Variants in MGMT observed in about 807,000 individuals in gnomAD.
MGMT encodes O-6-methylguanine-DNA methyltransferase.
MGMT carries 14 observed loss-of-function variants against 15.9 expected under a neutral mutation model. That is an observed-to-expected ratio of 0.88 (90% CI 0.58 to 1.37). The LOEUF (loss-of-function observed/expected upper bound fraction) is 1.37. Ranked by LOEUF, MGMT falls within the 40% of genes most tolerant of loss-of-function variation. MGMT has a pLI of 0.00. For synonymous variants in MGMT, 130 were observed against 118.2 expected, an observed-to-expected ratio of 1.10 and a Z score of -0.65; for missense variants, 282 against 268.1, an observed-to-expected ratio of 1.05 and a Z score of -0.36.
chr10:129,552,645 G>A (rs1283889230), intron 2 of MGMT, among the ~76,000 whole-genome samples: 1 of 152,236 alleles, frequency 6.6e-6, no homozygotes, highest in Non-Finnish European at 1.5e-5. Context: ...CGGGAGACAT[G>A]TTTGGCCAGC....
intron 1 of MGMT, among the ~76,000 whole-genome samples, chr10:129,528,315 T>G (rs1354585252): frequency 6.6e-6 from 1 of 151,290 alleles, no homozygotes; most frequent in African/African-American, 2.4e-5. Flanking sequence ...CATGGAGAGC[T>G]GCAGTGGTAT....
At chr10:129,629,430 A>G (rs1847186690) in intron 2 of MGMT, among the ~76,000 whole-genome samples, 1 of 152,150 alleles carries the variant, frequency 6.6e-6, no homozygotes, top group Non-Finnish European at 1.5e-5. Flanking sequence ...TACATTTCAC[A>G]TCATAGGCTG....
intron 3 of MGMT, among the ~76,000 whole-genome samples, chr10:129,733,881 G>A (rs549781203): frequency 0.07 from 10,604 of 151,812 alleles, 490 homozygotes; most frequent in South Asian, 0.16. Context: ...GATATGCGGC[G>A]TTATTTCTGA....
At chr10:129,741,924 G>A (rs533694514) in intron 3 of MGMT, among the ~76,000 whole-genome samples, 11 of 152,342 alleles carry the variant, frequency 7.2e-5, no homozygotes, top group East Asian at 3.9e-4. Flanking sequence ...AGGTCAGGCC[G>A]TGGCTCTGAG....
intron 2 of MGMT, among the ~76,000 whole-genome samples, chr10:129,565,895 T>A (rs977922601): frequency 5.3e-5 from 8 of 152,072 alleles, no homozygotes; most frequent in Non-Finnish European, 1.0e-4. Flanking sequence ...GTGCTTTTTT[T>A]GCTGGGGCTT....
intron 2 of MGMT, among the ~76,000 whole-genome samples, chr10:129,630,024 A>G (rs571674068): frequency 7.5e-4 from 114 of 152,374 alleles, no homozygotes; most frequent in Non-Finnish European, 1.1e-3. Flanking sequence ...AACTTGTAAA[A>G]GAACGTCAGG....
intron 2 of MGMT, among the ~76,000 whole-genome samples, chr10:129,658,493 C>A (rs1018091389): frequency 6.6e-6 from 1 of 152,140 alleles, no homozygotes; most frequent in Non-Finnish European, 1.5e-5. Flanking sequence ...GATTTTTAAC[C>A]CCAACATTTT....
intron 3 of MGMT, among the ~76,000 whole-genome samples, chr10:129,720,394 C>A (rs1156579833): frequency 3.3e-5 from 5 of 152,192 alleles, no homozygotes; most frequent in Non-Finnish European, 7.3e-5. Context: ...CCCCTCCTGG[C>A]TCAGCACAGC....
At chr10:129,490,019 T>C (rs1422065210) in intron 1 of MGMT, among the ~76,000 whole-genome samples, 1 of 152,180 alleles carries the variant, frequency 6.6e-6, no homozygotes, top group African/African-American at 2.4e-5. Context: ...AACTGCTAAC[T>C]CTTCATTAAC....
intron 3 of MGMT, among the ~76,000 whole-genome samples, chr10:129,741,498 A>G (rs2133171991): frequency 6.6e-6 from 1 of 152,310 alleles, no homozygotes. Flanking sequence ...TGGCCCTCGC[A>G]CCAAGAACCT....
At chr10:129,635,519 TTTCTTTTTGG>T (rs2133085771) in intron 2 of MGMT, among the ~76,000 whole-genome samples, 1 of 152,368 alleles carries the variant, frequency 6.6e-6, no homozygotes, top group East Asian at 1.9e-4. Flanking sequence ...TAATTTATTT[TTTCTTTTTGG>T]TTCTTTTTGG....
intron 2 of MGMT, among the ~76,000 whole-genome samples, chr10:129,607,072 C>T (rs551206196): frequency 6.6e-6 from 1 of 152,228 alleles, no homozygotes; most frequent in Admixed American, 6.5e-5. Flanking sequence ...TGAGTTGGCA[C>T]CCTCCGGTTT....
intron 2 of MGMT, among the ~76,000 whole-genome samples, chr10:129,644,860 G>T (rs1395651259): frequency 6.6e-6 from 1 of 152,154 alleles, no homozygotes. Flanking sequence ...ATTTGTGTGG[G>T]TCTTACTTTT....
At chr10:129,494,116 T>G (rs1402878382) in intron 1 of MGMT, among the ~76,000 whole-genome samples, 1 of 152,228 alleles carries the variant, frequency 6.6e-6, no homozygotes, top group Non-Finnish European at 1.5e-5. Context: ...TGCACAAAGA[T>G]GTTTAATATA....
chr10:129,616,238 C>T (rs1382811894), intron 2 of MGMT, among the ~76,000 whole-genome samples: 1 of 152,208 alleles, frequency 6.6e-6, no homozygotes, highest in South Asian at 2.1e-4. Context: ...ATGCCACACG[C>T]ATGCCACGGT....
At chr10:129,624,708 C>T (rs571443958) in intron 2 of MGMT, among the ~76,000 whole-genome samples, 1 of 152,228 alleles carries the variant, frequency 6.6e-6, no homozygotes, top group South Asian at 2.1e-4. Flanking sequence ...AGTGCGGCGG[C>T]GAGGACTTCG....
intron 2 of MGMT, among the ~76,000 whole-genome samples, chr10:129,620,659 A>T (rs953271474): frequency 6.6e-6 from 1 of 152,146 alleles, no homozygotes; most frequent in African/African-American, 2.4e-5. Context: ...TGATTTGCCT[A>T]TGCATGTGTT....
rs188105328 is a variant in MGMT at position 129,524,841 on chromosome 10, C to T, written c.-12-11400C>T. On this transcript the variant is annotated intron_variant, in intron 1 of 4. Transcript: ENST00000651593. ...TCCTGACCTCGTGATCCACACGCCT[C>T]GGCCTCCCAAAGTGCTGGGATTACA... Among the ~76,000 whole-genome samples, 1,366 of 152,168 alleles carry T rather than the reference C, an allele frequency of 9.0e-3. 8 individuals are homozygous for T. The highest frequency in any genetic ancestry group is 0.015 in the Non-Finnish European group (1,051 of 67,990).
intron 2 of MGMT, among the ~76,000 whole-genome samples, chr10:129,627,817 A>C (rs1340584273): frequency 1.3e-5 from 2 of 152,232 alleles, no homozygotes; most frequent in South Asian, 4.1e-4. Context: ...AGAAAAATAC[A>C]AAAATAATTT....
Sources: allele counts gnomAD v4.1 joint callset (sites outside exome capture counted in the v4.1 genomes callset), GRCh38; gene constraint gnomAD v4.1.1; transcripts MANE v1.5; gene names NCBI Gene and HGNC (gene_info 2026-07-23, HGNC 2026-07-21).